The following IGSF5 variants were observed in gnomAD, a reference collection of about 807,000 sequenced individuals.
The protein encoded by IGSF5 is immunoglobulin superfamily 5 like.
IGSF5 carries 41 observed loss-of-function variants against 39.4 expected under a neutral mutation model. The observed-to-expected ratio is 1.04, with a 90% confidence interval of 0.81 to 1.35. The LOEUF is 1.35. IGSF5 is among the 40% of genes most tolerant of loss of function. The probability of loss-of-function intolerance (pLI) is 0.00; values close to 1 mark genes in which losing one functional copy is unlikely to be tolerated. For missense variants in IGSF5, 487 were observed against 494.6 expected, an observed-to-expected ratio of 0.98 and a Z score of 0.15; for synonymous variants, 183 against 175.3, an observed-to-expected ratio of 1.04 and a Z score of -0.34.
intron 2 of IGSF5, among the ~76,000 whole-genome samples, chr21:39,749,078 C>CA (rs2079990629): frequency 6.6e-6 from 1 of 151,974 alleles, no homozygotes; most frequent in Non-Finnish European, 1.5e-5. Context: ...TGGGAGCCAA[C>CA]AAAGGAAGTA....
intron 2 of IGSF5, among the ~76,000 whole-genome samples, chr21:39,750,783 C>A (rs1175757849): frequency 6.6e-6 from 1 of 152,242 alleles, no homozygotes; most frequent in Non-Finnish European, 1.5e-5. Context: ...TGTCAAGGTG[C>A]CTGGCTGGGA....
chr21:39,747,793 T>C (rs1382455999), intron 2 of IGSF5, among the ~76,000 whole-genome samples: 1 of 152,186 alleles, frequency 6.6e-6, no homozygotes, highest in Non-Finnish European at 1.5e-5. Flanking sequence ...TGCATTTTTC[T>C]TCTGATTCAG....
At chr21:39,791,033 G>A (rs1026735109) in intron 6 of IGSF5, among the ~76,000 whole-genome samples, 2 of 152,136 alleles carry the variant, frequency 1.3e-5, no homozygotes, top group African/African-American at 4.8e-5. Context: ...GCAAATTTTG[G>A]TATCTGCAGG....
upstream of IGSF5, among the ~76,000 whole-genome samples, chr21:39,741,809 T>C (rs1248431634): frequency 6.6e-6 from 1 of 152,122 alleles, no homozygotes; most frequent in Non-Finnish European, 1.5e-5. Flanking sequence ...CTGCTTCCTC[T>C]GGTATTTGGG....
the IGSF5 span, among the ~76,000 whole-genome samples, chr21:39,722,020 A>G: frequency 6.6e-6 from 1 of 152,326 alleles, no homozygotes; most frequent in East Asian, 1.9e-4. Context: ...GCCACAGACA[A>G]TATGTGAGTG....
At chr21:39,749,513 G>A (rs116556935) in intron 2 of IGSF5, among the ~76,000 whole-genome samples, 14,916 of 152,170 alleles carry the variant, frequency 0.098, 2,379 homozygotes, top group African/African-American at 0.34. Context: ...GTGCCCAGCC[G>A]GTCTCAATCA....
At chr21:39,737,546 G>T in the IGSF5 span, among the ~76,000 whole-genome samples, 85 of 152,154 alleles carry the variant, frequency 5.6e-4, no homozygotes, top group African/African-American at 2.0e-3. Context: ...TAATCCATTT[G>T]CTAGAATGAC....
the IGSF5 span, among the ~76,000 whole-genome samples, chr21:39,734,594 C>T: frequency 1.6e-4 from 24 of 152,218 alleles, no homozygotes; most frequent in South Asian, 4.6e-3. Flanking sequence ...TTTAAACTGA[C>T]TCCATGGTAG....
chr21:39,764,417 T>C (rs1186371530), intron 2 of IGSF5, among the ~76,000 whole-genome samples: 1 of 152,174 alleles, frequency 6.6e-6, no homozygotes, highest in Non-Finnish European at 1.5e-5. Context: ...CTCGGCTCAC[T>C]GCAACCTCTG....
intron 4 of IGSF5, among the ~76,000 whole-genome samples, chr21:39,776,207 GAT>G (rs150607847): frequency 6.7e-6 from 1 of 150,282 alleles, no homozygotes; most frequent in Admixed American, 6.6e-5. Flanking sequence ...TATGTGTATA[GAT>G]ATAAAATATA....
chr21:39,766,054 C>A (rs1031743394), intron 3 of IGSF5, among the ~76,000 whole-genome samples: 1 of 152,200 alleles, frequency 6.6e-6, no homozygotes, highest in Non-Finnish European at 1.5e-5. Context: ...CTCCTCACTT[C>A]TTCTTCCCTT....
intron 6 of IGSF5, among the ~76,000 whole-genome samples, chr21:39,790,633 G>C (rs2086958559): frequency 6.6e-6 from 1 of 152,140 alleles, no homozygotes; most frequent in Non-Finnish European, 1.5e-5. Context: ...ACTCCAACCT[G>C]GGTGACAGAG....
At chr21:39,722,230 G>T in the IGSF5 span, among the ~76,000 whole-genome samples, 2 of 152,190 alleles carry the variant, frequency 1.3e-5, no homozygotes, top group Non-Finnish European at 2.9e-5. Context: ...AAAGGGAAGA[G>T]CACTTTATTA....
chr21:39,801,184 G>A, intron 8 of IGSF5, 78 bp from the exon 9 acceptor site: 1 of 990,280 alleles, frequency 1.0e-6, no homozygotes, highest in East Asian at 2.5e-5. Flanking sequence ...TAACAGATGA[G>A]TGAAGCTCTC....
Position 39,799,248 on chromosome 21 carries a change from G to A in IGSF5, c.1129-2014G>A, listed in dbSNP as rs2087015033. On this transcript the variant is annotated intron_variant, in intron 8 of 8. Coordinates refer to ENST00000380588, the MANE Select transcript of IGSF5 (RefSeq NM_001080444.2). ...GGCAGAAATGGTGGATGTATTTCCG[G>A]AATTCTCTATTCCGGTTTTCCTAAA... Among the ~76,000 whole-genome samples, 4 of 152,162 alleles carry A rather than the reference G, an allele frequency of 2.6e-5. No individual in the cohort carries two copies. The South Asian group carries it at 8.3e-4, about 32-fold the overall frequency.
intron 6 of IGSF5, 82 bp downstream of exon 6, chr21:39,788,270 A>G: frequency 1.0e-6 from 1 of 993,978 alleles, no homozygotes; most frequent in South Asian, 1.4e-5. Context: ...ATACGTACAC[A>G]CAACTGCGGG....
the IGSF5 span, among the ~76,000 whole-genome samples, chr21:39,712,058 A>T: frequency 6.6e-6 from 1 of 152,190 alleles, no homozygotes; most frequent in African/African-American, 2.4e-5. Flanking sequence ...AGCAATCATA[A>T]GTAGGGCAGC....
intron 2 of IGSF5, among the ~76,000 whole-genome samples, chr21:39,760,425 G>T (rs2080055234): frequency 1.3e-5 from 2 of 152,206 alleles, no homozygotes; most frequent in Admixed American, 6.5e-5. Flanking sequence ...AGGGGTTAGA[G>T]ACTGCATTGC....
intron 2 of IGSF5, among the ~76,000 whole-genome samples, chr21:39,748,832 G>A (rs2079989169): frequency 8.1e-6 from 1 of 123,650 alleles, no homozygotes; most frequent in South Asian, 2.6e-4. Flanking sequence ...AAAACAGCCA[G>A]TGAGGTTAGA....
Sources: gnomAD v4.1 joint callset for allele counts (sites outside exome capture counted in the v4.1 genomes callset) on GRCh38, gnomAD v4.1.1 for gene constraint, MANE v1.5 for transcripts, NCBI Gene and HGNC (gene_info 2026-07-23, HGNC 2026-07-21) for gene names.